IPCEF1: variants seen among roughly 807,000 people sequenced by gnomAD.
The protein encoded by IPCEF1 is interactor protein for cytohesin exchange factors 1.
IPCEF1 carries 31 observed loss-of-function variants against 50.9 expected under a neutral mutation model. That is an observed-to-expected ratio of 0.61 (90% confidence interval 0.46 to 0.82). The LOEUF is 0.82. IPCEF1 is among the 40% of genes least tolerant of loss of function. The pLI is 0.00. For synonymous variants in IPCEF1, 181 were observed against 192.0 expected (o/e 0.94, Z 0.47); for missense variants, 458 against 514.0 (o/e 0.89, Z 1.05).
chr6:154,261,181 T>C (rs6919141), intron 3 of IPCEF1, among the ~76,000 whole-genome samples: 134,119 of 152,008 alleles, frequency 0.88, 59,276 homozygotes, highest in East Asian at 1. Flanking sequence ...ACTACAGACA[T>C]GAACCAATAC....
At chr6:154,213,015 T>C in intron 8 of IPCEF1, 160 bp from the exon 9 acceptor site, 1 of 605,534 alleles carries the variant, frequency 1.7e-6, no homozygotes, top group Non-Finnish European at 3.0e-6. Context: ...GCAAAGGAAT[T>C]ACATAAGAGG....
At chr6:154,351,594 T>A (rs1027797297) in intron 1 of IPCEF1, among the ~76,000 whole-genome samples, 1 of 152,210 alleles carries the variant, frequency 6.6e-6, no homozygotes, top group Non-Finnish European at 1.5e-5. Flanking sequence ...ACTATTTATA[T>A]AACAAAACCT....
intron 7 of IPCEF1, among the ~76,000 whole-genome samples, chr6:154,215,509 G>C (rs954161304): frequency 5.3e-5 from 8 of 152,090 alleles, no homozygotes; most frequent in Non-Finnish European, 1.2e-4. Flanking sequence ...GGGAGTCTGA[G>C]GCAGGAGAAT....
At chr6:154,311,392 T>C (rs964777053) in intron 1 of IPCEF1, among the ~76,000 whole-genome samples, 2 of 152,164 alleles carry the variant, frequency 1.3e-5, no homozygotes, top group Non-Finnish European at 2.9e-5. Flanking sequence ...TAGGATCTTA[T>C]TCATGTTCTT....
chr6:154,189,918 TG>T (rs1363038432), intron 10 of IPCEF1, among the ~76,000 whole-genome samples: 1 of 151,314 alleles, frequency 6.6e-6, no homozygotes, highest in Non-Finnish European at 1.5e-5. Context: ...CACTCCAGCC[TG>T]GGCGACAGAG....
chr6:154,323,755 C>G (rs777764871), intron 1 of IPCEF1, among the ~76,000 whole-genome samples: 1 of 152,140 alleles, frequency 6.6e-6, no homozygotes, highest in Non-Finnish European at 1.5e-5. Flanking sequence ...GAGTTCAAGA[C>G]CAGCCTGACC....
chr6:154,257,636 T>C (rs1362928658), intron 3 of IPCEF1, among the ~76,000 whole-genome samples: 1 of 152,244 alleles, frequency 6.6e-6, no homozygotes, highest in African/African-American at 2.4e-5. Flanking sequence ...CTTCCCATAC[T>C]GGCCTCAATA....
At chr6:154,321,160 G>A (rs1482000047) in intron 1 of IPCEF1, among the ~76,000 whole-genome samples, 2 of 152,028 alleles carry the variant, frequency 1.3e-5, no homozygotes, top group East Asian at 1.9e-4. Context: ...CGAACTTCTG[G>A]GCTCAAGCAA....
intron 1 of IPCEF1, among the ~76,000 whole-genome samples, chr6:154,303,549 T>G (rs1782853583): frequency 6.6e-6 from 1 of 152,208 alleles, no homozygotes; most frequent in South Asian, 2.1e-4. Flanking sequence ...CTCCTTTTTA[T>G]CATTTGTTTT....
At chr6:154,349,987 GA>G (rs1387168425) in intron 1 of IPCEF1, among the ~76,000 whole-genome samples, 6 of 152,186 alleles carry the variant, frequency 3.9e-5, no homozygotes, top group Admixed American at 6.5e-5. Context: ...AAATTCTGCT[GA>G]AAAGGGGATT....
At chr6:154,257,425 A>G (rs566307906) in intron 3 of IPCEF1, among the ~76,000 whole-genome samples, 2 of 152,110 alleles carry the variant, frequency 1.3e-5, no homozygotes, top group Middle Eastern at 3.2e-3. Flanking sequence ...GTCATGCTAC[A>G]CTTTTCATTT....
At chr6:154,261,383 G>A (rs2350878) in intron 3 of IPCEF1, among the ~76,000 whole-genome samples, 145,399 of 152,284 alleles carry the variant, frequency 0.95, 69,439 homozygotes, top group East Asian at 1. Flanking sequence ...GTAAGCAGGC[G>A]AGTGGCATAA....
At chr6:154,234,181 G>A (rs1349579050) in intron 5 of IPCEF1, among the ~76,000 whole-genome samples, 2 of 152,072 alleles carry the variant, frequency 1.3e-5, no homozygotes, top group African/African-American at 4.8e-5. Flanking sequence ...GGAGGACAGT[G>A]AGACCCCATC....
At chr6:154,251,977 T>C (rs1781347762) in intron 3 of IPCEF1, among the ~76,000 whole-genome samples, 1 of 152,158 alleles carries the variant, frequency 6.6e-6, no homozygotes, top group African/African-American at 2.4e-5. Context: ...CAGTTAGAAA[T>C]GTACATATTG....
At chr6:154,338,267 C>T (rs1783830789) in intron 1 of IPCEF1, among the ~76,000 whole-genome samples, 1 of 152,144 alleles carries the variant, frequency 6.6e-6, no homozygotes, top group Non-Finnish European at 1.5e-5. Flanking sequence ...GCTAGGCTTT[C>T]TTTATAGAGT....
At position 154,338,379 on chromosome 6, in the gene IPCEF1, A is replaced by G. The variant is rs976548383; in HGVS notation, c.-62+18293T>C. Among the ~76,000 whole-genome samples the G allele has an allele frequency of 3.3e-5, 5 of 152,266 alleles. No homozygotes were observed. In the South Asian group the frequency reaches 6.2e-4, roughly 19 times the overall value. On this transcript the variant is annotated intron_variant, in intron 1 of 11. Coordinates refer to ENST00000367220, the MANE Select transcript of IPCEF1 (RefSeq NM_001130700.2). ...AACTGAGAGCCAAAGAGTTTCGGTG[A>G]TTTTCCAAATGTGTCCATCTTGTTA...
chr6:154,331,419 G>GAAAGAAAGAGAGAGAGAGAA (rs1562292587), intron 1 of IPCEF1, among the ~76,000 whole-genome samples: 1 of 144,442 alleles, frequency 6.9e-6, no homozygotes, highest in South Asian at 2.2e-4. Flanking sequence ...GAGAGAAAAA[G>GAAAGAAAGAGAGAGAGAGAA]AAAGAGAGAG....
intron 5 of IPCEF1, among the ~76,000 whole-genome samples, chr6:154,232,815 T>C (rs945680027): frequency 1.3e-5 from 2 of 151,898 alleles, no homozygotes; most frequent in African/African-American, 4.8e-5. Flanking sequence ...GAAATTAACA[T>C]AGATGTGTGT....
chr6:154,218,641 C>CTTA (rs1435067660), intron 7 of IPCEF1, among the ~76,000 whole-genome samples: 1 of 152,216 alleles, frequency 6.6e-6, no homozygotes, highest in Non-Finnish European at 1.5e-5. Context: ...AAATCTCTAT[C>CTTA]ATCTGCATAA....
Sources: gnomAD v4.1 joint callset for allele counts (sites outside exome capture counted in the v4.1 genomes callset) on GRCh38, gnomAD v4.1.1 for gene constraint, MANE v1.5 for transcripts, NCBI Gene and HGNC (gene_info 2026-07-23, HGNC 2026-07-21) for gene names.